The following MYO5C variants were observed in gnomAD, a reference collection of about 807,000 sequenced individuals.
MYO5C encodes the protein unconventional myosin-Vc.
In MYO5C, 194 loss-of-function variants were observed where a neutral mutation model predicts 235.7. That is an observed-to-expected ratio of 0.82 (90% CI 0.73 to 0.93). MYO5C has a LOEUF of 0.93. Ranked by LOEUF, MYO5C falls within the 40% of genes least tolerant of loss-of-function variation. The probability of loss-of-function intolerance (pLI) is 0.00; values close to 1 mark genes in which losing one functional copy is unlikely to be tolerated. For missense variants in MYO5C, 2,038 were observed against 2,127.2 expected (o/e 0.96, Z 0.82); for synonymous variants, 707 against 754.8 (o/e 0.94, Z 1.04).
intron 4 of MYO5C, chr15:52,278,010 G>C (rs773015379): frequency 9.0e-5 from 41 of 453,394 alleles, no homozygotes; most frequent in South Asian, 6.1e-4. Flanking sequence ...TCCAGGTCCT[G>C]TGCCTCAGAT....
At chr15:52,218,346 T>A (rs1381174136) in intron 32 of MYO5C, among the ~76,000 whole-genome samples, 173 bp downstream of exon 32, 5 of 152,198 alleles carry the variant, frequency 3.3e-5, no homozygotes, top group Admixed American at 1.3e-4. Flanking sequence ...CCCCAAGGCC[T>A]TCCCAAAGCC....
At chr15:52,261,236 T>A (rs973020748) in intron 9 of MYO5C, 109 bp from the exon 10 acceptor site, 3 of 1,328,516 alleles carry the variant, frequency 2.3e-6, no homozygotes, top group African/African-American at 1.5e-5. Flanking sequence ...AAGAGCTGAG[T>A]AGTAGCTGGC....
chr15:52,232,138 G>A lies in MYO5C; in HGVS notation c.3026+484C>T, dbSNP rs530974752. ...AGAAAGAAAGAGAAAAGAAAGAAAA[G>A]GAGAGGAAGGAAAGGAAGGAAAGGA... On this transcript the variant is annotated intron_variant, in intron 24 of 40. Coordinates refer to ENST00000261839, the MANE Select transcript of MYO5C (RefSeq NM_018728.4). 3.5e-5 allele frequency among the ~76,000 whole-genome samples: 3 copies of A among 86,240 alleles called. No individual in the cohort carries two copies. The South Asian group carries it at 9.0e-4, about 26-fold the overall frequency. 56.6% of individuals were successfully genotyped at this position (86,240 alleles called of 152,430 possible). A position where few individuals can be genotyped will look rare whatever the true frequency, so the allele number is the denominator to read the frequency against.
At position 52,205,096 on chromosome 15, in the gene MYO5C, G is replaced by T. The variant is rs1448182890; in HGVS notation, c.4589C>A (p.Pro1530His). The T allele has an allele frequency of 3.1e-6, 5 of 1,614,068 alleles. No individual in the cohort carries two copies. The highest frequency in any genetic ancestry group is 4.2e-6 in the Non-Finnish European group (5 of 1,180,034). ...ESLQGISGLK[P>H]TGFRKRSSSI... is the part of the protein sequence containing the mutation. ...AGAGGAGCGCTTCCGGAAGCCTGTG[G>T]GCTTCAGGCCGGAAATGCCCTGCAG... Residue 1530 changes from proline (P) to histidine (H), a missense_variant, in exon 38 of 41, where the codon CCC (proline) becomes CAC (histidine). Coordinates refer to ENST00000261839, the MANE Select transcript of MYO5C (RefSeq NM_018728.4).
chr15:52,241,773 CCTCT>C (rs1258070526), intron 20 of MYO5C, among the ~76,000 whole-genome samples: 12 of 149,872 alleles, frequency 8.0e-5, no homozygotes, highest in Non-Finnish European at 1.3e-4. Flanking sequence ...ACAGGGTCTC[CCTCT>C]GTCACCCACG....
At chr15:52,222,094 A>G (rs1261858162) in intron 29 of MYO5C, among the ~76,000 whole-genome samples, 2 of 152,210 alleles carry the variant, frequency 1.3e-5, no homozygotes, top group Non-Finnish European at 2.9e-5. Flanking sequence ...AAGCATTCTG[A>G]GCACGTTTAA....
At chr15:52,218,722 A>G (rs771430962) in intron 31 of MYO5C, 35 bp from the exon 32 acceptor site, 29 of 1,606,744 alleles carry the variant, frequency 1.8e-5, no homozygotes, top group Non-Finnish European at 2.4e-5. Flanking sequence ...TGGTATCAGT[A>G]TGACGGTCAT....
chr15:52,251,347 C>T (rs745524327), intron 13 of MYO5C, 43 bp downstream of exon 13: 3 of 1,543,492 alleles, frequency 1.9e-6, no homozygotes, highest in South Asian at 2.5e-5. Context: ...GGAGGCTGTA[C>T]AGGTTCCGGG....
chr15:52,295,157 C>A (rs1407774780), intron 1 of MYO5C, among the ~76,000 whole-genome samples: 1 of 152,120 alleles, frequency 6.6e-6, no homozygotes, highest in East Asian at 1.9e-4. Context: ...GGAGACTGGC[C>A]GGCGTCTCAG....
rs183496737 is a variant in MYO5C, at chr15:52,236,177, A to G, written c.2869-414T>C. ...TATGACTCAGGAAGGATGTGTGAGC[A>G]CAGCAGGATTCCTATCATTTCAACT... On this transcript the variant is annotated intron_variant, in intron 22 of 40. Coordinates refer to ENST00000261839, the MANE Select transcript of MYO5C (RefSeq NM_018728.4). Among the ~76,000 whole-genome samples the G allele has an allele frequency of 2.4e-4, 36 of 152,370 alleles. 1 individual carries two copies. The East Asian group carries it at 5.6e-3, about 24-fold the overall frequency.
intron 2 of MYO5C, among the ~76,000 whole-genome samples, chr15:52,282,400 C>T (rs1408924935): frequency 6.6e-6 from 1 of 152,194 alleles, no homozygotes; most frequent in Non-Finnish European, 1.5e-5. Flanking sequence ...TGGGCTCAAA[C>T]GACTTCTCAC....
chr15:52,203,649 A>C (rs1427942684), intron 38 of MYO5C, among the ~76,000 whole-genome samples: 1 of 152,208 alleles, frequency 6.6e-6, no homozygotes, highest in African/African-American at 2.4e-5. Flanking sequence ...CCCGGCCTCT[A>C]AGTTATTTAA....
rs759893069 is a variant in MYO5C at position 52,205,014 on chromosome 15, G to A, written c.4671C>T (p.Tyr1557=). The change falls in exon 38 of 41, where the codon TAC becomes TAT. Residue 1557 remains tyrosine, a synonymous_variant. Coordinates refer to ENST00000261839, the MANE Select transcript of MYO5C (RefSeq NM_018728.4). Reference sequence around the variant, plus strand: ...CGTTCTGGCACATGGTGGTGTAAAAGTAGCTCAGCTGTTGCAGGACGGAGG... The same window carrying A: ...CGTTCTGGCACATGGTGGTGTAAAAATAGCTCAGCTGTTGCAGGACGGAGG... ...TMTSVLQQLS[Y]FYTTMCQNGL... The A allele has an allele frequency of 1.1e-5, 17 of 1,614,134 alleles. No homozygotes were observed. The Admixed American group carries it at 1.5e-4, about 14-fold the overall frequency.
chr15:52,283,926 C>G (rs1422963183), intron 1 of MYO5C, among the ~76,000 whole-genome samples: 1 of 152,102 alleles, frequency 6.6e-6, no homozygotes, highest in African/African-American at 2.4e-5. Flanking sequence ...CCACCTGCCT[C>G]AGCCTCCCAA....
chr15:52,271,278 G>A (rs561811748), intron 7 of MYO5C, among the ~76,000 whole-genome samples: 1 of 152,012 alleles, frequency 6.6e-6, no homozygotes, highest in Admixed American at 6.6e-5. Flanking sequence ...GCCCAGGCTG[G>A]AGTGCAGTGG....
At chr15:52,245,801 C>T (rs1009059759) in intron 17 of MYO5C, among the ~76,000 whole-genome samples, 155 bp downstream of exon 17, 2 of 152,262 alleles carry the variant, frequency 1.3e-5, no homozygotes. Flanking sequence ...ATTTCTCAAC[C>T]TCTTCTGGAC....
In MYO5C at chr15:52,260,871, T is replaced by C. The variant is rs1207257055; in HGVS notation, c.1304A>G (p.Asp435Gly). Residue 435 changes from aspartate (D) to glycine (G), a missense_variant, in exon 10 of 41, where the codon GAC (aspartate) becomes GGC (glycine). Physicochemically the swap from Asp to Gly is moderately conservative, Grantham distance 94 (BLOSUM62 -1). Transcript: ENST00000261839. The part of the protein sequence containing the change: ...GKQHTFIGVL[D>G]IYGFETFDVN... ...CTGAAGAGAATCTTACCCATAAATG[T>C]CCAAAACACCAATAAAAGTGTGCTG... 1.9e-6 allele frequency: 3 copies of C among 1,614,116 alleles called. No individual in the cohort carries two copies. The highest frequency in any genetic ancestry group is 1.7e-5 in the Admixed American group (1 of 60,030).
intron 40 of MYO5C, among the ~76,000 whole-genome samples, chr15:52,194,878 T>A (rs1375762712): frequency 6.6e-6 from 1 of 152,130 alleles, no homozygotes; most frequent in African/African-American, 2.4e-5. Context: ...CACAGATACC[T>A]ACTTAGAAAA....
At chr15:52,213,392 T>C in intron 33 of MYO5C, 106 bp from the exon 34 acceptor site, 1 of 744,906 alleles carries the variant, frequency 1.3e-6, no homozygotes, top group South Asian at 1.5e-5. Context: ...CACGTAAATG[T>C]CTGTGGCTTT....
Sources: allele counts gnomAD v4.1 joint callset (sites outside exome capture counted in the v4.1 genomes callset), GRCh38; gene constraint gnomAD v4.1.1; transcripts MANE v1.5; gene names NCBI Gene and HGNC (gene_info 2026-07-23, HGNC 2026-07-21).